The following TRAPPC3L variants were observed in gnomAD, a reference collection of about 807,000 sequenced individuals.
The protein encoded by TRAPPC3L is trafficking protein particle complex subunit 3-like protein.
In TRAPPC3L, 23 loss-of-function variants were observed where a neutral mutation model predicts 23.7. That is an observed-to-expected ratio of 0.97 (90% CI 0.70 to 1.37). The LOEUF (loss-of-function observed/expected upper bound fraction) is 1.37. Ranked by LOEUF, TRAPPC3L falls within the 40% of genes most tolerant of loss-of-function variation. The pLI is 0.00. For synonymous variants in TRAPPC3L, 81 were observed against 77.9 expected, an observed-to-expected ratio of 1.04 and a Z score of -0.21; for missense variants, 212 against 216.8, an observed-to-expected ratio of 0.98 and a Z score of 0.14.
chr6:116,515,066 A>G (rs1772196520), intron 3 of TRAPPC3L, among the ~76,000 whole-genome samples: 1 of 152,194 alleles, frequency 6.6e-6, no homozygotes, highest in Non-Finnish European at 1.5e-5. Context: ...TAATGATCCT[A>G]ATTTTTTCTC....
At chr6:116,537,373 A>C (rs998946691) in intron 3 of TRAPPC3L, among the ~76,000 whole-genome samples, 1 of 152,196 alleles carries the variant, frequency 6.6e-6, no homozygotes, top group African/African-American at 2.4e-5. Context: ...AACTTGGTGA[A>C]AATTGTGTAC....
intron 3 of TRAPPC3L, chr6:116,516,201 A>G (rs990923132): frequency 9.5e-6 from 5 of 526,300 alleles, no homozygotes; most frequent in Non-Finnish European, 9.2e-6. Flanking sequence ...GTGCTCTTGC[A>G]TTGGTGGAGA....
At chr6:116,518,662 G>A (rs1772272835) in intron 3 of TRAPPC3L, 1 of 152,256 alleles carries the variant, frequency 6.6e-6, no homozygotes, top group African/African-American at 2.4e-5. Flanking sequence ...CTTTTGCAGT[G>A]TGTGAGAGGC....
intron 3 of TRAPPC3L, among the ~76,000 whole-genome samples, chr6:116,533,364 A>C (rs1772860034): frequency 6.6e-6 from 1 of 152,210 alleles, no homozygotes; most frequent in African/African-American, 2.4e-5. Flanking sequence ...AAGTTTGCAC[A>C]CTGAAAATTG....
intron 3 of TRAPPC3L, among the ~76,000 whole-genome samples, chr6:116,524,993 T>C (rs1257334562): frequency 6.6e-6 from 1 of 152,228 alleles, no homozygotes; most frequent in Non-Finnish European, 1.5e-5. Flanking sequence ...TAAATAATGC[T>C]AGAGTCCAAA....
At chr6:116,501,200 G>T (rs1391511039) in intron 3 of TRAPPC3L, among the ~76,000 whole-genome samples, 2 of 152,228 alleles carry the variant, frequency 1.3e-5, no homozygotes, top group Admixed American at 1.3e-4. Context: ...CCGAGCCTGT[G>T]ACTGGCTCAG....
chr6:116,545,113 A>G (rs1731250541), intron 1 of TRAPPC3L, among the ~76,000 whole-genome samples: 1 of 150,818 alleles, frequency 6.6e-6, no homozygotes, highest in South Asian at 2.1e-4. Context: ...ACACATATAT[A>G]TATACATACA....
chr6:116,522,417 G>C (rs944489140), intron 3 of TRAPPC3L: 39 of 152,136 alleles, frequency 2.6e-4, no homozygotes, highest in African/African-American at 8.9e-4. Flanking sequence ...TTTATAAAAA[G>C]ACAAAAATTA....
intron 3 of TRAPPC3L, among the ~76,000 whole-genome samples, chr6:116,509,025 T>C (rs1772056873): frequency 6.7e-6 from 1 of 149,802 alleles, no homozygotes; most frequent in African/African-American, 2.5e-5. Flanking sequence ...TCAGTAGCCC[T>C]GCTATACACC....
In TRAPPC3L at chr6:116,496,987, C is replaced by G; in HGVS notation, c.513G>C (p.Lys171Asn). 2 of 1,546,138 alleles carry G rather than the reference C, an allele frequency of 1.3e-6. No individual in the cohort carries two copies. The highest frequency in any genetic ancestry group is 1.7e-6 in the Non-Finnish European group (2 of 1,145,622). ...TCCCTCTATATTTTTTCTCGTCTCGCTTTTTTAGAAATGTTATTCCTATTT... is the reference window on the plus strand; with the variant it reads ...TCCCTCTATATTTTTTCTCGTCTCGGTTTTTTAGAAATGTTATTCCTATTT... Reference protein sequence around the residue: ...VTEIGITFLKKRDEKKYRGKK With the variant: ...VTEIGITFLKNRDEKKYRGKK Residue 171 changes from lysine to asparagine, a missense_variant, in exon 5 of 5, where the codon AAG becomes AAC. Lys to Asn is a moderately conservative substitution (Grantham distance 94, BLOSUM62 0). Coordinates refer to ENST00000368602, the MANE Select transcript of TRAPPC3L (RefSeq NM_001139444.3).
chr6:116,511,517 A>G, intron 3 of TRAPPC3L: 1 of 603,380 alleles, frequency 1.7e-6, no homozygotes, highest in African/African-American at 1.8e-5. Context: ...AGTAGGAGGC[A>G]TTATCTAAAC....
At chr6:116,497,216 T>C in intron 4 of TRAPPC3L, 143 bp from the exon 5 acceptor site, 1 of 1,000,730 alleles carries the variant, frequency 1.0e-6, no homozygotes, top group Non-Finnish European at 1.4e-6. Context: ...GGCCCTTTAC[T>C]GAGTGTCCTC....
chr6:116,514,063 A>G (rs1203047529), intron 3 of TRAPPC3L, among the ~76,000 whole-genome samples: 1 of 152,202 alleles, frequency 6.6e-6, no homozygotes, highest in African/African-American at 2.4e-5. Flanking sequence ...CAATGAGGAA[A>G]ACTGCCATGG....
chr6:116,504,853 T>C (rs1424198228), intron 3 of TRAPPC3L, among the ~76,000 whole-genome samples: 1 of 152,176 alleles, frequency 6.6e-6, no homozygotes, highest in Non-Finnish European at 1.5e-5. Context: ...AACTAGGTAT[T>C]GATGGAATGT....
chr6:116,536,906 A>C (rs987695366), intron 3 of TRAPPC3L, among the ~76,000 whole-genome samples: 13 of 151,370 alleles, frequency 8.6e-5, no homozygotes, highest in African/African-American at 3.0e-4. Context: ...TACAAGGATT[A>C]ATAAGATAAT....
intron 3 of TRAPPC3L, among the ~76,000 whole-genome samples, chr6:116,532,503 T>C (rs895487390): frequency 6.6e-6 from 1 of 152,204 alleles, no homozygotes; most frequent in African/African-American, 2.4e-5. Flanking sequence ...CTATAAATGA[T>C]CCCTCCTTTG....
At chr6:116,532,298 G>C (rs1473887360) in intron 3 of TRAPPC3L, among the ~76,000 whole-genome samples, 9 of 152,006 alleles carry the variant, frequency 5.9e-5, no homozygotes. Context: ...ACGGGGTCTC[G>C]CTATATTGCC....
chr6:116,507,450 GTT>G (rs1447074341), intron 3 of TRAPPC3L, among the ~76,000 whole-genome samples: 2 of 152,208 alleles, frequency 1.3e-5, no homozygotes, highest in African/African-American at 4.8e-5. Context: ...TAATTCATAA[GTT>G]TAAAATTGTG....
At chr6:116,542,795 G>T (rs1242082298) in intron 2 of TRAPPC3L, among the ~76,000 whole-genome samples, 1 of 152,044 alleles carries the variant, frequency 6.6e-6, no homozygotes, top group African/African-American at 2.4e-5. Flanking sequence ...CAATAAAAAT[G>T]CTATCTTAAA....
Sources: gnomAD v4.1 joint callset for allele counts (sites outside exome capture counted in the v4.1 genomes callset) on GRCh38, gnomAD v4.1.1 for gene constraint, MANE v1.5 for transcripts, NCBI Gene and HGNC (gene_info 2026-07-23, HGNC 2026-07-21) for gene names.